ARL8B: variants seen among roughly 807,000 people sequenced by gnomAD.
The protein encoded by ARL8B is ADP-ribosylation factor-like protein 8B.
Under a neutral mutation model 30.6 loss-of-function variants are expected in ARL8B, and 9 were observed. The ratio of observed to expected loss-of-function variants is 0.29; its 90% CI spans 0.18 to 0.51. The LOEUF is 0.51. ARL8B is among the 20% of genes least tolerant of loss of function. The probability of loss-of-function intolerance (pLI) is 0.97; values close to 1 mark genes in which losing one functional copy is unlikely to be tolerated. For missense variants in ARL8B, 130 were observed against 227.2 expected (o/e 0.57, Z 2.75); for synonymous variants, 74 against 76.0 (o/e 0.97, Z 0.14).
intron 1 of ARL8B, among the ~76,000 whole-genome samples, chr3:5,143,295 C>G (rs780954345): frequency 2.6e-5 from 4 of 152,160 alleles, no homozygotes; most frequent in Non-Finnish European, 4.4e-5. Context: ...TGGGGCCAGC[C>G]CATGTTTTCT....
intron 1 of ARL8B, among the ~76,000 whole-genome samples, chr3:5,157,321 T>G (rs1478229764): frequency 6.6e-6 from 1 of 152,166 alleles, no homozygotes; most frequent in Non-Finnish European, 1.5e-5. Flanking sequence ...TTATCAGATG[T>G]ATTACTCCAG....
At chr3:5,132,959 T>A (rs2106554819) in intron 1 of ARL8B, among the ~76,000 whole-genome samples, 1 of 152,322 alleles carries the variant, frequency 6.6e-6, no homozygotes, top group East Asian at 1.9e-4. Flanking sequence ...GTGGCAGGAA[T>A]GGCTTTTGAG....
At chr3:5,123,266 T>C (rs2054199770) in intron 1 of ARL8B, among the ~76,000 whole-genome samples, 1 of 152,206 alleles carries the variant, frequency 6.6e-6, no homozygotes. Context: ...GCAGTTAGCA[T>C]AAAGTTAACT....
chr3:5,166,330 G>A lies in ARL8B; in HGVS notation c.124-4173G>A, dbSNP rs1454127996. ...TGGGAGTACAGGTGTGAGCTGCTGCGCCTGGCTGGTATCTTTCGTTTTTTT... is the reference window on the plus strand; with the variant it reads ...TGGGAGTACAGGTGTGAGCTGCTGCACCTGGCTGGTATCTTTCGTTTTTTT... On this transcript the variant is annotated intron_variant, in intron 1 of 6. Coordinates refer to ENST00000256496, the MANE Select transcript of ARL8B (RefSeq NM_018184.3). Among the ~76,000 whole-genome samples the A allele has an allele frequency of 6.8e-5, 10 of 147,542 alleles. No homozygotes were observed. In the South Asian group the frequency reaches 1.3e-3, roughly 19 times the overall value.
In ARL8B at chr3:5,122,435, C is replaced by T. The variant is rs770611848; in HGVS notation, c.-31C>T. On this transcript the variant is annotated 5_prime_UTR_variant, in exon 1 of 7. Transcript: ENST00000256496. ...TCGTCGACGCCGCCGCTCGTCCGTC[C>T]TCCCGTCCGTTCTCGCTCCCGGCCG... The T allele has an allele frequency of 3.7e-6, 6 of 1,611,050 alleles. No homozygotes were observed. The highest frequency in any genetic ancestry group is 1.1e-5 in the South Asian group (1 of 90,924).
intron 1 of ARL8B, among the ~76,000 whole-genome samples, chr3:5,139,119 G>T (rs987785786): frequency 3.3e-5 from 5 of 150,564 alleles, no homozygotes; most frequent in Non-Finnish European, 7.4e-5. Context: ...TACAGTAGAA[G>T]GGAACATGAG....
At chr3:5,122,872 AC>A (rs752970704) in intron 1 of ARL8B, among the ~76,000 whole-genome samples, 33 of 152,026 alleles carry the variant, frequency 2.2e-4, no homozygotes, top group Non-Finnish European at 3.1e-4. Context: ...GTTAAATTGA[AC>A]TCGTCACATT....
At chr3:5,136,455 A>G (rs1479270707) in intron 1 of ARL8B, among the ~76,000 whole-genome samples, 45 of 152,154 alleles carry the variant, frequency 3.0e-4, no homozygotes, top group Admixed American at 2.9e-3. Context: ...TTGACTCCTG[A>G]TAAATCTAAT....
chr3:5,174,492 C>A, intron 6 of ARL8B, 78 bp downstream of exon 6: 1 of 963,224 alleles, frequency 1.0e-6, no homozygotes, highest in Non-Finnish European at 1.6e-6. Context: ...CTTATTGTCT[C>A]GATTTCTCAT....
chr3:5,158,756 TTATGTGAC>T (rs2054553362), intron 1 of ARL8B, among the ~76,000 whole-genome samples: 1 of 152,224 alleles, frequency 6.6e-6, no homozygotes, highest in African/African-American at 2.4e-5. Context: ...TGTTTATCAG[TTATGTGAC>T]TACTGTTTTA....
Position 5,149,468 on chromosome 3 carries a change from TGGTAGGCAGGCAC to T in ARL8B, c.124-21034_124-21022del, listed in dbSNP as rs1313621690. 8.9e-3 allele frequency among the ~76,000 whole-genome samples: 1,353 copies of T among 152,328 alleles called. 16 individuals carry two copies. Among genetic ancestry groups the T allele is most frequent in the African/African-American group, 0.031 (1,269 of 41,570 alleles). On this transcript the variant is annotated intron_variant, in intron 1 of 6. Coordinates refer to ENST00000256496, the MANE Select transcript of ARL8B (RefSeq NM_018184.3). ...GGACTTGGAGACACCATCCCGTGTG[TGGTAGGCAGGCAC>T]ACCTGGGGCAGTTACGACAGGCAAT...
At chr3:5,140,430 G>C (rs758473340) in intron 1 of ARL8B, among the ~76,000 whole-genome samples, 10 of 152,094 alleles carry the variant, frequency 6.6e-5, no homozygotes, top group South Asian at 2.1e-4. Flanking sequence ...TCTTCATCTT[G>C]TGCCGTGATT....
chr3:5,148,718 T>C (rs2054451572), intron 1 of ARL8B, among the ~76,000 whole-genome samples: 1 of 152,178 alleles, frequency 6.6e-6, no homozygotes, highest in Non-Finnish European at 1.5e-5. Flanking sequence ...CCAATCCTCA[T>C]CTGAGCCAAA....
chr3:5,170,466 G>C (rs1382366646), intron 1 of ARL8B, 37 bp from the exon 2 acceptor site: 1 of 1,448,934 alleles, frequency 6.9e-7, no homozygotes, highest in Non-Finnish European at 9.6e-7. Flanking sequence ...GTCATTATAA[G>C]TGAGTAGCCT....
chr3:5,163,228 C>T (rs1212594836), intron 1 of ARL8B, among the ~76,000 whole-genome samples: 1 of 152,004 alleles, frequency 6.6e-6, no homozygotes, highest in African/African-American at 2.4e-5. Flanking sequence ...CTCAGGTGAT[C>T]CGCCCGCCTC....
intron 1 of ARL8B, among the ~76,000 whole-genome samples, chr3:5,168,683 T>G (rs1251091062): frequency 1.3e-5 from 2 of 152,258 alleles, no homozygotes; most frequent in African/African-American, 4.8e-5. Context: ...TTATCTAATT[T>G]AGTTTTCTTG....
At chr3:5,159,624 A>G (rs891975911) in intron 1 of ARL8B, among the ~76,000 whole-genome samples, 9 of 142,636 alleles carry the variant, frequency 6.3e-5, no homozygotes, top group African/African-American at 2.1e-4. Context: ...AAAAAAAAAA[A>G]AGAGAAAAAG....
rs1185096982 is a variant in ARL8B, at chr3:5,122,310, C to A, written c.-156C>A. 11 of 1,515,484 alleles carry A rather than the reference C, an allele frequency of 7.3e-6. No homozygotes were observed. Among genetic ancestry groups the A allele is most frequent in the Non-Finnish European group, 9.7e-6 (11 of 1,132,892 alleles). The allele number at this position is 1,515,484 out of a possible 1,614,324, so 93.9% of individuals were successfully genotyped here. ...GCGAGTCATATGATCCGCTCGGCTT[C>A]CTGGGTCTGGCTGCTGCCGCCCGCC... On this transcript the variant is annotated 5_prime_UTR_variant, in exon 1 of 7. Transcript: ENST00000256496.
chr3:5,135,107 C>CCAAA (rs930524395), intron 1 of ARL8B, among the ~76,000 whole-genome samples: 1 of 152,158 alleles, frequency 6.6e-6, no homozygotes, highest in African/African-American at 2.4e-5. Context: ...CCTCAGCCTC[C>CCAAA]CAAAGTGTTG....
Sources: gnomAD v4.1 joint callset for allele counts (sites outside exome capture counted in the v4.1 genomes callset) on GRCh38, gnomAD v4.1.1 for gene constraint, MANE v1.5 for transcripts, NCBI Gene and HGNC (gene_info 2026-07-23, HGNC 2026-07-21) for gene names.